PLXNC1: variants seen among roughly 807,000 people sequenced by gnomAD.
PLXNC1 encodes plexin C1.
A neutral mutation model predicts 178.2 loss-of-function variants in PLXNC1; 75 were observed. That is an observed-to-expected ratio of 0.42 (90% CI 0.35 to 0.51). The LOEUF (loss-of-function observed/expected upper bound fraction) is 0.51. Among genes scored for constraint, PLXNC1 ranks in the 20% least tolerant of loss-of-function variants. The pLI is 0.02. For synonymous variants in PLXNC1, 790 were observed against 779.9 expected (o/e 1.01, Z -0.22); for missense variants, 1,503 against 1,984.4 (o/e 0.76, Z 4.61).
At chr12:94,301,688 C>G (rs1053920119) in intron 28 of PLXNC1, among the ~76,000 whole-genome samples, 1 of 152,164 alleles carries the variant, frequency 6.6e-6, no homozygotes, top group Non-Finnish European at 1.5e-5. Flanking sequence ...AGGAGGAGTT[C>G]TTGGGCAGGA....
chr12:94,275,416 A>G (rs1038158929), intron 21 of PLXNC1, among the ~76,000 whole-genome samples: 1 of 152,208 alleles, frequency 6.6e-6, no homozygotes, highest in Non-Finnish European at 1.5e-5. Flanking sequence ...GGCTGAGGGC[A>G]GACGCTGTGA....
At chr12:94,162,186 A>G (rs1961409222) in intron 1 of PLXNC1, among the ~76,000 whole-genome samples, 1 of 152,220 alleles carries the variant, frequency 6.6e-6, no homozygotes, top group African/African-American at 2.4e-5. Context: ...AGCTATGGTC[A>G]TGTGTCCACG....
At chr12:94,296,846 T>C (rs1967968358) in intron 24 of PLXNC1, among the ~76,000 whole-genome samples, 1 of 152,232 alleles carries the variant, frequency 6.6e-6, no homozygotes, top group South Asian at 2.1e-4. Flanking sequence ...GGGTGGGAAC[T>C]GGGTCTTATT....
intron 10 of PLXNC1, among the ~76,000 whole-genome samples, chr12:94,239,157 C>A (rs12313790): frequency 0.16 from 23,738 of 152,110 alleles, 2,646 homozygotes; most frequent in African/African-American, 0.31. Flanking sequence ...TTCTGCATGT[C>A]GCATTTCAGT....
chr12:94,181,608 T>A (rs767267972), intron 3 of PLXNC1, 28 bp downstream of exon 3: 1 of 1,558,626 alleles, frequency 6.4e-7, no homozygotes, highest in East Asian at 2.2e-5. Context: ...TTATTGCTTC[T>A]GATTTATGAA....
Position 94,260,667 on chromosome 12 carries a change from A to G in PLXNC1, c.3277A>G (p.Ile1093Val). 6.2e-7 allele frequency: 1 copy of G among 1,613,776 alleles called. No homozygotes were observed. The highest frequency in any genetic ancestry group is 8.5e-7 in the Non-Finnish European group (1 of 1,179,870). ...GTGTCTGTTTGCCTCCTTCCTAACCATTGCACTGCAAACCAAGCTGGTCTA... is the reference window on the plus strand; with the variant it reads ...GTGTCTGTTTGCCTCCTTCCTAACCGTTGCACTGCAAACCAAGCTGGTCTA... Reference protein sequence around the residue: ...DRCLFASFLTIALQTKLVYLT... With the variant: ...DRCLFASFLTVALQTKLVYLT... The change falls in exon 20 of 31, where the codon ATT becomes GTT. Residue 1093 changes from isoleucine to valine, a missense_variant. Ile to Val is a conservative substitution (Grantham distance 29). Coordinates refer to ENST00000258526, the MANE Select transcript of PLXNC1 (RefSeq NM_005761.3). This position sits in a 1 kb window ranked among gnomAD's most constrained non-coding sequence, Gnocchi z 4.4.
chr12:94,298,456 T>G (rs1366095325), intron 26 of PLXNC1, among the ~76,000 whole-genome samples, 176 bp from the exon 27 acceptor site: 1 of 152,242 alleles, frequency 6.6e-6, no homozygotes, highest in Non-Finnish European at 1.5e-5. Context: ...TTCAAGACTT[T>G]TGACCTATAC....
At chr12:94,176,072 A>T (rs1375833953) in intron 2 of PLXNC1, among the ~76,000 whole-genome samples, 1 of 152,230 alleles carries the variant, frequency 6.6e-6, no homozygotes, top group Non-Finnish European at 1.5e-5. Flanking sequence ...ATCCTGGAAG[A>T]TAAAAATCCA....
At chr12:94,194,136 A>C (rs545129597) in intron 4 of PLXNC1, among the ~76,000 whole-genome samples, 1 of 152,174 alleles carries the variant, frequency 6.6e-6, no homozygotes, top group East Asian at 1.9e-4. Flanking sequence ...ACAGGAGGAA[A>C]GGGGGGTTGG....
At chr12:94,282,519 G>A (rs972367225) in intron 23 of PLXNC1, 118 bp downstream of exon 23, 23 of 699,130 alleles carry the variant, frequency 3.3e-5, no homozygotes, top group East Asian at 1.3e-4. Context: ...CAGATCGATC[G>A]TGTCTGGGGC....
chr12:94,210,154 T>C (rs531674579), intron 5 of PLXNC1, among the ~76,000 whole-genome samples: 1 of 152,176 alleles, frequency 6.6e-6, no homozygotes, highest in Non-Finnish European at 1.5e-5. Context: ...CCAGTAACCA[T>C]CTTATGAACA....
At chr12:94,272,721 C>T (rs777973834) in intron 21 of PLXNC1, among the ~76,000 whole-genome samples, 1 of 152,232 alleles carries the variant, frequency 6.6e-6, no homozygotes, top group African/African-American at 2.4e-5. Context: ...ACTGGCCACA[C>T]CTGGCAGCAG....
rs767613674 is a variant in PLXNC1, at chr12:94,298,711, A to G, written c.4154A>G (p.Lys1385Arg). The change falls in exon 27 of 31, where the codon AAA (lysine) becomes AGA (arginine). Residue 1385 changes from lysine (K) to arginine (R), a missense_variant. By Grantham distance (26) the Lys-to-Arg change is conservative. Around this residue, in one of 4 missense-constraint regions of PLXNC1, gnomAD observed 639 missense variants for 979.7 expected, o/e 0.65. Transcript: ENST00000258526. ...LPNSRAPFAI[K>R]YFFDFLDAQA... Reference sequence around the variant, plus strand: ...AACAGCAGAGCTCCATTTGCTATAAAATACTTTTTTGACTTTTTGGACGCC... The same window carrying G: ...AACAGCAGAGCTCCATTTGCTATAAGATACTTTTTTGACTTTTTGGACGCC... 1 of 1,613,362 alleles carries G rather than the reference A, an allele frequency of 6.2e-7. No homozygotes were observed. Among genetic ancestry groups the G allele is most frequent in the African/African-American group, 1.3e-5 (1 of 75,040 alleles).
At chr12:94,190,251 G>A (rs751038616) in intron 4 of PLXNC1, among the ~76,000 whole-genome samples, 2 of 152,116 alleles carry the variant, frequency 1.3e-5, no homozygotes, top group Non-Finnish European at 2.9e-5. Context: ...ATAGTCTTTT[G>A]TTTGTTTTGA....
intron 1 of PLXNC1, 46 bp downstream of exon 1, chr12:94,150,079 AGCC>A (rs759727338): frequency 1.5e-4 from 213 of 1,437,578 alleles, no homozygotes; most frequent in Admixed American, 4.1e-4. Context: ...GCTGCCGGGG[AGCC>A]GCCGCCGCCG....
At chr12:94,253,716 C>A (rs190587188) in intron 15 of PLXNC1, among the ~76,000 whole-genome samples, 4 of 150,750 alleles carry the variant, frequency 2.7e-5, no homozygotes, top group African/African-American at 9.7e-5. Flanking sequence ...ACTTTTTTGC[C>A]CAGGCTGAGT....
Position 94,301,077 on chromosome 12 carries a change from T to G in PLXNC1, c.4386+20T>G, listed in dbSNP as rs554659487. On this transcript the variant is annotated intron_variant, in intron 28 of 30. Coordinates refer to ENST00000258526, the MANE Select transcript of PLXNC1 (RefSeq NM_005761.3). ...GGGAAGGTAAGGCCCAGCTTGAGTATTTCTTGTATGCAGTCTTATGAGTTT... is the reference window on the plus strand; with the variant it reads ...GGGAAGGTAAGGCCCAGCTTGAGTAGTTCTTGTATGCAGTCTTATGAGTTT... 3.7e-6 allele frequency: 6 copies of G among 1,611,270 alleles called. No homozygotes were observed. The African/African-American group carries it at 8.0e-5, about 21-fold the overall frequency.
intron 14 of PLXNC1, 37 bp downstream of exon 14, chr12:94,248,449 T>G (rs765616679): frequency 6.8e-7 from 1 of 1,461,352 alleles, no homozygotes; most frequent in East Asian, 2.3e-5. Context: ...TGTCTTTACC[T>G]GATTTTTGTG....
intron 10 of PLXNC1, 121 bp from the exon 11 acceptor site, chr12:94,240,364 A>G (rs1048231306): frequency 2.7e-6 from 2 of 735,956 alleles, no homozygotes; most frequent in African/African-American, 1.8e-5. Flanking sequence ...AGTTGCCTGC[A>G]GCTGTTCTGC....
Sources: allele counts gnomAD v4.1 joint callset (sites outside exome capture counted in the v4.1 genomes callset), GRCh38; gene constraint gnomAD v4.1.1; regional missense constraint gnomAD v4.1.1; non-coding constraint Gnocchi (gnomAD v3.1); transcripts MANE v1.5; gene names NCBI Gene and HGNC (gene_info 2026-07-23, HGNC 2026-07-21).